The following DRD2 variants were observed in gnomAD, a reference collection of about 807,000 sequenced individuals.
DRD2 encodes the protein dopamine receptor D2.
Under a neutral mutation model 38.0 loss-of-function variants are expected in DRD2, and 8 were observed. The ratio of observed to expected loss-of-function variants is 0.21; its 90% CI spans 0.12 to 0.38. The LOEUF is 0.38. Among genes scored for constraint, DRD2 ranks in the 10% least tolerant of loss-of-function variants. DRD2 has a pLI of 1.00. For missense variants in DRD2, 403 were observed against 607.7 expected, an observed-to-expected ratio of 0.66 and a Z score of 3.54; for synonymous variants, 230 against 238.6, an observed-to-expected ratio of 0.96 and a Z score of 0.33.
intron 1 of DRD2, among the ~76,000 whole-genome samples, chr11:113,455,784 C>A (rs1412395241): frequency 6.6e-6 from 1 of 152,046 alleles, no homozygotes; most frequent in Non-Finnish European, 1.5e-5. Context: ...ATATGGTAGA[C>A]CACAAATGGT....
intron 1 of DRD2, among the ~76,000 whole-genome samples, chr11:113,465,736 C>T (rs1003769886): frequency 6.6e-5 from 10 of 152,216 alleles, no homozygotes; most frequent in South Asian, 2.1e-4. Flanking sequence ...TGCTGTGTAA[C>T]ATTGGGTTCT....
chr11:113,432,189 AGT>A (rs1035033109), intron 1 of DRD2, among the ~76,000 whole-genome samples: 9 of 152,254 alleles, frequency 5.9e-5, no homozygotes, highest in Non-Finnish European at 8.8e-5. Flanking sequence ...AGGCTGATGG[AGT>A]GGGGTGAAAA....
intron 1 of DRD2, among the ~76,000 whole-genome samples, chr11:113,455,444 A>G (rs1466322864): frequency 6.6e-6 from 1 of 152,228 alleles, no homozygotes; most frequent in Non-Finnish European, 1.5e-5. Flanking sequence ...CTACAAAAGA[A>G]AAATCAACAA....
chr11:113,410,094 C>G lies in DRD2; in HGVS notation c.*633G>C. Reference sequence around the variant, plus strand: ...CTCTTCTCAGAGCATGTGGAAACCACTTGGGGAGCTGTAACGGGGTGAGGT... The same window carrying G: ...CTCTTCTCAGAGCATGTGGAAACCAGTTGGGGAGCTGTAACGGGGTGAGGT... On this transcript the variant is annotated 3_prime_UTR_variant, in exon 8 of 8. Transcript: ENST00000362072. 1 of 164,138 alleles carries G rather than the reference C, an allele frequency of 6.1e-6. No homozygotes were observed. The highest frequency in any genetic ancestry group is 1.7e-4 in the East Asian group (1 of 5,828). 10.2% of individuals were successfully genotyped at this position (164,138 alleles called of 1,614,324 possible).
At chr11:113,458,215 C>T (rs1025316176) in intron 1 of DRD2, among the ~76,000 whole-genome samples, 1 of 152,246 alleles carries the variant, frequency 6.6e-6, no homozygotes, top group African/African-American at 2.4e-5. Flanking sequence ...CCCTGTAACA[C>T]ACAGTGTATG....
chr11:113,445,264 A>G (rs1013852707), intron 1 of DRD2, among the ~76,000 whole-genome samples: 1 of 152,236 alleles, frequency 6.6e-6, no homozygotes, highest in Middle Eastern at 3.2e-3. Context: ...GGCAAAATGC[A>G]AATAAAATCT....
chr11:113,417,048 T>G, intron 3 of DRD2, 49 bp from the exon 4 acceptor site: 1 of 1,604,768 alleles, frequency 6.2e-7, no homozygotes, highest in East Asian at 2.2e-5. Flanking sequence ...CAGGGACCCC[T>G]CACTCCACAA....
intron 1 of DRD2, among the ~76,000 whole-genome samples, chr11:113,466,813 GAGA>G (rs1951374444): frequency 6.6e-6 from 1 of 152,186 alleles, no homozygotes; most frequent in African/African-American, 2.4e-5. Context: ...ATAGATTTTA[GAGA>G]AGCATGAGAC....
intron 1 of DRD2, 129 bp from the exon 2 acceptor site, chr11:113,424,811 G>A: frequency 1.1e-6 from 1 of 951,888 alleles, no homozygotes; most frequent in Non-Finnish European, 1.5e-6. Flanking sequence ...TTACGGCTAA[G>A]AATTTTCTAA....
At chr11:113,414,536 G>C (rs1950803610) in intron 5 of DRD2, 75 bp from the exon 6 acceptor site, 1 of 1,503,818 alleles carries the variant, frequency 6.6e-7, no homozygotes, top group Admixed American at 1.7e-5. Context: ...AAGTGCAGCA[G>C]TCCATGGAAC....
intron 1 of DRD2, among the ~76,000 whole-genome samples, chr11:113,433,991 A>G (rs1482343329): frequency 6.6e-6 from 1 of 151,994 alleles, no homozygotes; most frequent in African/African-American, 2.4e-5. Context: ...TCCTAACCCT[A>G]AGCCCCTTCC....
intron 1 of DRD2, among the ~76,000 whole-genome samples, chr11:113,433,851 A>C (rs958206773): frequency 6.6e-6 from 1 of 152,216 alleles, no homozygotes; most frequent in Non-Finnish European, 1.5e-5. Context: ...CCTGGCCAGC[A>C]GTTCCCAGTC....
chr11:113,454,301 G>A (rs1315687270), intron 1 of DRD2, among the ~76,000 whole-genome samples: 2 of 152,090 alleles, frequency 1.3e-5, no homozygotes, highest in African/African-American at 2.4e-5. Flanking sequence ...TCAGTGAGCT[G>A]AGGTCACCCC....
chr11:113,438,243 A>T (rs575877503), intron 1 of DRD2, among the ~76,000 whole-genome samples: 9 of 151,934 alleles, frequency 5.9e-5, no homozygotes, highest in Non-Finnish European at 1.0e-4. Flanking sequence ...TTCCAGTCCC[A>T]CTTGGTAGCA....
At chr11:113,445,011 G>C (rs1286879656) in intron 1 of DRD2, among the ~76,000 whole-genome samples, 1 of 152,196 alleles carries the variant, frequency 6.6e-6, no homozygotes, top group African/African-American at 2.4e-5. Flanking sequence ...GCAAAAATAA[G>C]ACAGCAGAAA....
chr11:113,443,347 C>T (rs1215739711), intron 1 of DRD2, among the ~76,000 whole-genome samples: 2 of 152,192 alleles, frequency 1.3e-5, no homozygotes, highest in African/African-American at 4.8e-5. Flanking sequence ...TGTCTCTCTC[C>T]TCTCCTATGC....
At chr11:113,468,578 C>T (rs555864401) in intron 1 of DRD2, among the ~76,000 whole-genome samples, 3 of 152,198 alleles carry the variant, frequency 2.0e-5, no homozygotes, top group East Asian at 1.9e-4. Flanking sequence ...GATGGAGTCT[C>T]GTTCTGCCAC....
rs571240435 is a variant in DRD2 at position 113,448,994 on chromosome 11, G to A, written c.-31-24312C>T. On this transcript the variant is annotated intron_variant, in intron 1 of 7. Coordinates refer to ENST00000362072, the MANE Select transcript of DRD2 (RefSeq NM_000795.4). ...GGCTTCAGGCTCATGTCACCGCCTC[G>A]CTCAAAATATCTTCTATGACTCCCC... is the stretch of plus-strand genomic sequence containing the variant. Among the ~76,000 whole-genome samples, 204 of 152,206 alleles carry A rather than the reference G, an allele frequency of 1.3e-3. 1 individual carries two copies. The highest frequency in any genetic ancestry group is 4.3e-3 in the African/African-American group (180 of 41,536).
chr11:113,447,531 C>T (rs1222139654), intron 1 of DRD2: 1 of 151,932 alleles, frequency 6.6e-6, no homozygotes, highest in African/African-American at 2.4e-5. Flanking sequence ...GTTCCAGCAC[C>T]TGCAGAGGAT....
Sources: allele counts gnomAD v4.1 joint callset (sites outside exome capture counted in the v4.1 genomes callset), GRCh38; gene constraint gnomAD v4.1.1; transcripts MANE v1.5; gene names NCBI Gene and HGNC (gene_info 2026-07-23, HGNC 2026-07-21).